The following PLOD1 variants were observed in gnomAD, a reference collection of about 807,000 sequenced individuals.
PLOD1 encodes the protein procollagen-lysine,2-oxoglutarate 5-dioxygenase 1.
Under a neutral mutation model 94.7 loss-of-function variants are expected in PLOD1, and 70 were observed. The observed-to-expected ratio is 0.74, with a 90% CI of 0.61 to 0.90. The LOEUF is 0.90. Among genes scored for constraint, PLOD1 ranks in the 40% least tolerant of loss-of-function variants. The pLI is 0.00. For synonymous variants in PLOD1, 417 were observed against 400.2 expected (o/e 1.04, Z -0.50); for missense variants, 905 against 972.7 (o/e 0.93, Z 0.93).
chr1:11,939,529 C>T (rs1645602025), intron 1 of PLOD1, among the ~76,000 whole-genome samples: 1 of 152,112 alleles, frequency 6.6e-6, no homozygotes, highest in Admixed American at 6.6e-5. Flanking sequence ...ACCAGGGGTG[C>T]CCAGAGGTCC....
At position 11,948,065 on chromosome 1, in the gene PLOD1, C is replaced by T. The variant is rs1433428588; in HGVS notation, c.166C>T (p.Gln56Ter). 2 of 1,610,202 alleles carry T rather than the reference C, an allele frequency of 1.2e-6. No homozygotes were observed. The highest frequency in any genetic ancestry group is 2.7e-5 in the African/African-American group (2 of 74,812). The part of the protein sequence containing the change: ...RSAQFFNYKI[Q>*]ALGLGEDWNV... ...AGCTCAGTTCTTCAACTACAAGATC[C>T]AGGTAAGGGGTTTCCTGGGTGAGGC... The change falls in exon 2 of 19, where the codon CAG becomes TAG. Residue 56 changes from glutamine (Q) to a stop codon, truncating the protein, a stop_gained and splice_region_variant. Transcript: ENST00000196061. LOFTEE classifies it high-confidence loss of function.
At chr1:11,951,825 A>G (rs1645704846) in intron 4 of PLOD1, among the ~76,000 whole-genome samples, 2 of 152,028 alleles carry the variant, frequency 1.3e-5, no homozygotes, top group South Asian at 2.1e-4. Flanking sequence ...AGGCTGAGGC[A>G]GGAGAATGGC....
At chr1:11,941,364 C>T (rs1331030076) in intron 1 of PLOD1, among the ~76,000 whole-genome samples, 1 of 151,978 alleles carries the variant, frequency 6.6e-6, no homozygotes, top group African/African-American at 2.4e-5. Context: ...CAGAGTTTCA[C>T]TCTGTCACCC....
At chr1:11,944,889 G>A (rs950190004) in intron 1 of PLOD1, among the ~76,000 whole-genome samples, 1 of 152,234 alleles carries the variant, frequency 6.6e-6, no homozygotes, top group Non-Finnish European at 1.5e-5. Context: ...ACTTCCTGAG[G>A]TGGTGGGAGG....
chr1:11,968,244 G>C (rs773807117), intron 16 of PLOD1, among the ~76,000 whole-genome samples: 1 of 151,842 alleles, frequency 6.6e-6, no homozygotes, highest in East Asian at 1.9e-4. Flanking sequence ...GTGAGCCACC[G>C]TGTCTGGCCT....
intron 10 of PLOD1, among the ~76,000 whole-genome samples, chr1:11,962,166 G>GT (rs1239468410): frequency 2.0e-5 from 3 of 151,912 alleles, no homozygotes; most frequent in Non-Finnish European, 4.4e-5. Flanking sequence ...CTGGCTTGAA[G>GT]TTATCCTCCC....
chr1:11,956,924 C>G lies in PLOD1; in HGVS notation c.651C>G (p.Val217=). ...FQNLDGALDE[V]VLKFEMGHVR... ...GTGCTTTCTGACCCCCAGATGAGGT[C>G]GTGCTCAAGTTTGAAATGGGCCATG... The change falls in exon 7 of 19, where the codon GTC becomes GTG. Residue 217 remains valine (V), a synonymous_variant. Coordinates refer to ENST00000196061, the MANE Select transcript of PLOD1 (RefSeq NM_000302.4). 6.2e-6 allele frequency: 10 copies of G among 1,611,812 alleles called. No homozygotes were observed. In the Middle Eastern group the frequency reaches 5.0e-4, roughly 80 times the overall value.
chr1:11,944,808 C>CCCCAG (rs1446335600), intron 1 of PLOD1: 19 of 464,486 alleles, frequency 4.1e-5, no homozygotes, highest in Non-Finnish European at 6.0e-5. Flanking sequence ...GCTACCCCTG[C>CCCCAG]CCCAGCTACC....
chr1:11,934,931 G>T (rs777887154), intron 1 of PLOD1, 76 bp downstream of exon 1: 356 of 1,485,176 alleles, frequency 2.4e-4, no homozygotes, highest in Non-Finnish European at 3.1e-4. Context: ...CCCTGGGAAC[G>T]ACCTGAATGG....
In PLOD1 at chr1:11,975,037, G is replaced by A. The variant is rs1645894555; in HGVS notation, c.*229G>A. The A allele has an allele frequency of 1.7e-6, 1 of 603,250 alleles. No homozygotes were observed. The highest frequency in any genetic ancestry group is 2.9e-5 in the Admixed American group (1 of 34,964). The allele number at this position is 603,250 out of a possible 1,614,324, so 37.4% of individuals were successfully genotyped here. On this transcript the variant is annotated 3_prime_UTR_variant, in exon 19 of 19. Transcript: ENST00000196061. ...TGGTGTTCTGGACCCAGCCCCTGGA[G>A]ACACCATTCACTTTTACTGCTTTGT...
At chr1:11,967,597 G>GTGTGTATATATA (rs1391982281) in intron 16 of PLOD1, among the ~76,000 whole-genome samples, 2 of 59,780 alleles carry the variant, frequency 3.3e-5, no homozygotes, top group African/African-American at 1.3e-4. Context: ...GTGTGTGTGT[G>GTGTGTATATATA]TATATATATA....
rs959635301 is a variant in PLOD1 at position 11,958,642 on chromosome 1, A to G, written c.970A>G (p.Asn324Asp). 15 of 1,613,892 alleles carry G rather than the reference A, an allele frequency of 9.3e-6. No individual in the cohort carries two copies. The Admixed American group carries it at 1.0e-4, about 11-fold the overall frequency. The part of the protein sequence containing the change: ...PQKHMRLFIH[N>D]HEQHHKAQVE... ...GAAACACATGCGACTTTTCATCCACAACCACGTGAGTAACAGGCGCTCTGT... is the reference window on the plus strand; with the variant it reads ...GAAACACATGCGACTTTTCATCCACGACCACGTGAGTAACAGGCGCTCTGT... Residue 324 changes from asparagine to aspartate, a missense_variant, in exon 9 of 19, where the codon AAC becomes GAC. Transcript: ENST00000196061. The surrounding 1 kb of genome is among the most constrained non-coding windows in gnomAD (Gnocchi z 4.3).
At chr1:11,943,845 G>A (rs1045826231) in intron 1 of PLOD1, among the ~76,000 whole-genome samples, 4 of 152,188 alleles carry the variant, frequency 2.6e-5, no homozygotes, top group African/African-American at 9.7e-5. Flanking sequence ...AAGTCCTGGT[G>A]CTGCTGCTTC....
rs761878111 is a variant in PLOD1 at position 11,963,610 on chromosome 1, C to T, written c.1176C>T (p.Ser392=). The T allele has an allele frequency of 1.9e-6, 3 of 1,599,212 alleles. No homozygotes were observed. The highest frequency in any genetic ancestry group is 2.3e-5 in the East Asian group (1 of 44,360). Residue 392 remains serine, a synonymous_variant, in exon 11 of 19, where the codon AGC becomes AGT. Coordinates refer to ENST00000196061, the MANE Select transcript of PLOD1 (RefSeq NM_000302.4). This position sits in a 1 kb window ranked among gnomAD's most constrained non-coding sequence, Gnocchi z 4.3. ...DADVALTEPN[S]LRLLIQQNKN... is the part of the protein sequence containing the mutation. ...ACGTGGCCCTGACCGAGCCCAACAG[C>T]CTGCGGCTGCTGATCCAACAGAACA...
Position 11,947,236 on chromosome 1 carries a change from C to CAA in PLOD1, c.77-728_77-727dup, listed in dbSNP as rs58975312. Among the ~76,000 whole-genome samples, 61 of 124,442 alleles carry CAA rather than the reference C, an allele frequency of 4.9e-4. 1 individual carries two copies. Among genetic ancestry groups the CAA allele is most frequent in the African/African-American group, 1.6e-3 (54 of 34,328 alleles). The allele number at this position is 124,442 out of a possible 152,430, so 81.6% of individuals were successfully genotyped here. On this transcript the variant is annotated intron_variant, in intron 1 of 18. Coordinates refer to ENST00000196061, the MANE Select transcript of PLOD1 (RefSeq NM_000302.4). Reference sequence around the variant, plus strand: ...TCGGTGACAGAGTGAGATGCTGTCTCAAAAAAAAAAAAACAAAAACAAACA... The same window carrying CAA: ...TCGGTGACAGAGTGAGATGCTGTCTCAAAAAAAAAAAAAAACAAAAACAAACA...
Position 11,972,715 on chromosome 1 carries a change from A to G in PLOD1, c.1903-157A>G. 1.4e-6 allele frequency: 1 copy of G among 720,974 alleles called. No individual in the cohort carries two copies. Among genetic ancestry groups the G allele is most frequent in the Non-Finnish European group, 2.5e-6 (1 of 400,352 alleles). The allele number at this position is 720,974 out of a possible 1,614,324, so 44.7% of individuals were successfully genotyped here. ...GTTGAGAACCTTTTCTGTGCCAGGT[A>G]GTTGCAGGCACTCGAGCATAGAGCC... On this transcript the variant is annotated intron_variant, in intron 17 of 18. Coordinates refer to ENST00000196061, the MANE Select transcript of PLOD1 (RefSeq NM_000302.4). This position sits in a 1 kb window ranked among gnomAD's most constrained non-coding sequence, Gnocchi z 4.6.
At chr1:11,950,594 T>A in intron 4 of PLOD1, 74 bp downstream of exon 4, 1 of 1,382,096 alleles carries the variant, frequency 7.2e-7, no homozygotes, top group South Asian at 1.2e-5. Flanking sequence ...ACCCCCCTTG[T>A]TTGACGTGCA....
rs756800628 is a variant in PLOD1 at position 11,964,215 on chromosome 1, T to C, written c.1243T>C (p.Trp415Arg). ...GCTGATGACCCGGCATGGGAGGCTGTGGTCGAACTTCTGGGGGGCTCTCAG... is the reference window on the plus strand; with the variant it reads ...GCTGATGACCCGGCATGGGAGGCTGCGGTCGAACTTCTGGGGGGCTCTCAG... ...APLMTRHGRL[W>R]SNFWGALSAD... The change falls in exon 12 of 19, where the codon TGG becomes CGG. Residue 415 changes from tryptophan to arginine, a missense_variant. Transcript: ENST00000196061. 6.2e-7 allele frequency: 1 copy of C among 1,610,842 alleles called. No individual in the cohort carries two copies. Among genetic ancestry groups the C allele is most frequent in the South Asian group, 1.1e-5 (1 of 91,038 alleles).
chr1:11,968,363 T>C (rs1038925844), intron 16 of PLOD1, among the ~76,000 whole-genome samples: 8 of 152,188 alleles, frequency 5.3e-5, no homozygotes, highest in African/African-American at 1.9e-4. Context: ...TACACCACTG[T>C]ACTTAAAGGC....
Sources: gnomAD v4.1 joint callset for allele counts (sites outside exome capture counted in the v4.1 genomes callset) on GRCh38, gnomAD v4.1.1 for gene constraint, Gnocchi (gnomAD v3.1) non-coding constraint, MANE v1.5 for transcripts, NCBI Gene and HGNC (gene_info 2026-07-23, HGNC 2026-07-21) for gene names.